Variants in SPAG1 observed in about 807,000 individuals in gnomAD.
SPAG1 encodes sperm associated antigen 1, also known as sperm-associated antigen 1.
In SPAG1, 69 loss-of-function variants were observed where a neutral mutation model predicts 100.5. The ratio of observed to expected loss-of-function variants is 0.69; its 90% confidence interval spans 0.57 to 0.84. The LOEUF (loss-of-function observed/expected upper bound fraction) is 0.84. Ranked by LOEUF, SPAG1 falls within the 40% of genes least tolerant of loss-of-function variation. The pLI, the probability that SPAG1 is intolerant of heterozygous loss-of-function variation, is 0.00. For missense variants in SPAG1, 955 were observed against 1,133.1 expected (o/e 0.84, Z 2.26); for synonymous variants, 336 against 411.6 (o/e 0.82, Z 2.22).
intron 9 of SPAG1, among the ~76,000 whole-genome samples, chr8:100,193,786 T>C (rs1033059105): frequency 2.0e-5 from 3 of 152,200 alleles, no homozygotes; most frequent in African/African-American, 7.2e-5. Flanking sequence ...TGTAGCATGA[T>C]TTCATTTGTG....
chr8:100,218,828 G>T (rs1300146164), intron 12 of SPAG1, among the ~76,000 whole-genome samples: 2 of 152,200 alleles, frequency 1.3e-5, no homozygotes, highest in Non-Finnish European at 2.9e-5. Flanking sequence ...GTATGATGTG[G>T]TCTGAGTGGC....
chr8:100,222,472 A>G (rs1409741547), intron 13 of SPAG1, among the ~76,000 whole-genome samples: 1 of 152,216 alleles, frequency 6.6e-6, no homozygotes, highest in Admixed American at 6.5e-5. Context: ...AACAGAGAAC[A>G]CAGAGTTCAC....
intron 1 of SPAG1, among the ~76,000 whole-genome samples, chr8:100,161,454 G>GT: frequency 6.6e-6 from 1 of 152,294 alleles, no homozygotes; most frequent in South Asian, 2.1e-4. Context: ...TGACTGAGTG[G>GT]TTAAGTTAAA....
rs544896491 is a variant in SPAG1, at chr8:100,165,682, G to A, written c.141-132G>A. On this transcript the variant is annotated intron_variant, in intron 2 of 18. Transcript: ENST00000388798. ...AAAAATGGAGACTATGCGGGTTAAG[G>A]AAAGAGACTGGGAAGCAGCCCTTGA... 8 of 636,290 alleles carry A rather than the reference G, an allele frequency of 1.3e-5. No individual in the cohort carries two copies. In the East Asian group the frequency reaches 2.3e-4, roughly 18 times the overall value. 39.4% of individuals were successfully genotyped at this position (636,290 alleles called of 1,614,324 possible).
At chr8:100,213,572 C>T in intron 11 of SPAG1, 144 bp downstream of exon 11, 1 of 717,454 alleles carries the variant, frequency 1.4e-6, no homozygotes, top group Non-Finnish European at 2.0e-6. Context: ...CTAAGAGCGC[C>T]GTGCCACCTG....
At chr8:100,210,888 T>C (rs1297477685) in intron 10 of SPAG1, among the ~76,000 whole-genome samples, 1 of 151,234 alleles carries the variant, frequency 6.6e-6, no homozygotes, top group African/African-American at 2.4e-5. Flanking sequence ...AGTGCAATGG[T>C]GTGATCTTGG....
chr8:100,189,560 CAGG>C (rs1436724907), intron 8 of SPAG1, among the ~76,000 whole-genome samples: 4 of 152,078 alleles, frequency 2.6e-5, no homozygotes, highest in Non-Finnish European at 4.4e-5. Context: ...GAGGCCGAGG[CAGG>C]AGAATTGCTT....
chr8:100,191,477 C>A lies in SPAG1; in HGVS notation c.920C>A (p.Pro307His). The A allele has an allele frequency of 6.2e-7, 1 of 1,612,088 alleles. No individual in the cohort carries two copies. Among genetic ancestry groups the A allele is most frequent in the Non-Finnish European group, 8.5e-7 (1 of 1,178,320 alleles). The change falls in exon 9 of 19, where the codon CCT becomes CAT. Residue 307 changes from proline (P) to histidine (H), a missense_variant. Coordinates refer to ENST00000388798, the MANE Select transcript of SPAG1 (RefSeq NM_003114.5). ...TTGAGTAAAGTACTAGATGTTGAGC[C>A]TGATAATGATTTGGCCAAGGTAAGT... is the stretch of plus-strand genomic sequence containing the variant. ...EDLSKVLDVEPDNDLAKKTLS... is the reference protein window; with the variant it reads ...EDLSKVLDVEHDNDLAKKTLS...
chr8:100,206,761 A>AT (rs1248968261), intron 10 of SPAG1, among the ~76,000 whole-genome samples: 2 of 152,258 alleles, frequency 1.3e-5, no homozygotes, highest in African/African-American at 4.8e-5. Context: ...GCCTATTTGG[A>AT]TTTTCGAGGC....
chr8:100,179,085 AAAAC>A (rs201253894), intron 4 of SPAG1, among the ~76,000 whole-genome samples: 3,671 of 150,240 alleles, frequency 0.024, 132 homozygotes, highest in East Asian at 0.096. Flanking sequence ...AAAAACCACA[AAAAC>A]AAACAAAAAA....
chr8:100,192,567 C>G lies in SPAG1; in HGVS notation c.939+1071C>G, dbSNP rs567144342. Among the ~76,000 whole-genome samples, 52 of 152,204 alleles carry G rather than the reference C, an allele frequency of 3.4e-4. 1 individual carries two copies. Among genetic ancestry groups the G allele is most frequent in the Admixed American group, 3.0e-3 (46 of 15,282 alleles). ...CAGTATAGTCAGAAATAAGAGAAAC[C>G]CATGGAAAAATTGTTACTAAGTTTC... On this transcript the variant is annotated intron_variant, in intron 9 of 18. Coordinates refer to ENST00000388798, the MANE Select transcript of SPAG1 (RefSeq NM_003114.5).
At chr8:100,196,403 T>C (rs1013112709) in intron 10 of SPAG1, among the ~76,000 whole-genome samples, 4 of 152,192 alleles carry the variant, frequency 2.6e-5, no homozygotes. Context: ...TTTTTTCCCC[T>C]TTTTACCCAT....
At chr8:100,158,134 T>TACCTGCC (rs1052695722), upstream of SPAG1, 1 of 152,318 alleles carries the variant, frequency 6.6e-6, no homozygotes, top group South Asian at 2.1e-4. Flanking sequence ...TGCCTGTGTG[T>TACCTGCC]ACCTGCCGGC....
intron 13 of SPAG1, among the ~76,000 whole-genome samples, chr8:100,223,354 C>T (rs1234031526): frequency 1.3e-5 from 2 of 151,974 alleles, no homozygotes; most frequent in African/African-American, 4.8e-5. Context: ...GTTATATGTA[C>T]TCAGGAAGGT....
rs1818869621 is a variant in SPAG1 at position 100,233,477 on chromosome 8, G to A, written c.2055G>A (p.Gln685=). 6.2e-7 allele frequency: 1 copy of A among 1,614,092 alleles called. No individual in the cohort carries two copies. Among genetic ancestry groups the A allele is most frequent in the Non-Finnish European group, 8.5e-7 (1 of 1,179,932 alleles). The change falls in exon 16 of 19, where the codon CAG becomes CAA. Residue 685 remains glutamine (Q), a synonymous_variant. Coordinates refer to ENST00000388798, the MANE Select transcript of SPAG1 (RefSeq NM_003114.5). Reference sequence around the variant, plus strand: ...AGCAGGACTGTGATCAGGCACTTCAGCTAGCTGATGGGAACGTGAAAGCCT... The same window carrying A: ...AGCAGGACTGTGATCAGGCACTTCAACTAGCTGATGGGAACGTGAAAGCCT... ...EAKQDCDQAL[Q]LADGNVKAFY... is the part of the protein sequence containing the mutation.
At chr8:100,193,947 T>TG (rs564992795) in intron 9 of SPAG1, among the ~76,000 whole-genome samples, 165 bp from the exon 10 acceptor site, 3 of 151,354 alleles carry the variant, frequency 2.0e-5, no homozygotes, top group East Asian at 1.9e-4. Flanking sequence ...GTGTGTGTGT[T>TG]TTTTTTTTAC....
intron 10 of SPAG1, among the ~76,000 whole-genome samples, chr8:100,204,355 C>T (rs927351973): frequency 6.6e-6 from 1 of 152,114 alleles, no homozygotes; most frequent in Non-Finnish European, 1.5e-5. Context: ...TTTGAGTTCT[C>T]TAATTTATAT....
intron 10 of SPAG1, among the ~76,000 whole-genome samples, chr8:100,201,519 G>C (rs2132311804): frequency 6.6e-6 from 1 of 152,228 alleles, no homozygotes; most frequent in African/African-American, 2.4e-5. Context: ...ACAGTGTGAG[G>C]TAAATGTGTG....
chr8:100,176,859 C>T (rs1394968566), intron 3 of SPAG1, among the ~76,000 whole-genome samples: 4 of 135,262 alleles, frequency 3.0e-5, no homozygotes, highest in Non-Finnish European at 4.7e-5. Flanking sequence ...TCCTCCCTCT[C>T]CCCTTCCCCA....
Sources: allele counts gnomAD v4.1 joint callset (sites outside exome capture counted in the v4.1 genomes callset), GRCh38; gene constraint gnomAD v4.1.1; transcripts MANE v1.5; gene names NCBI Gene and HGNC (gene_info 2026-07-23, HGNC 2026-07-21).